The following MGAT4D variants were observed in gnomAD, a reference collection of about 807,000 sequenced individuals.
The protein encoded by MGAT4D is MGAT4 family member D.
In MGAT4D, 34 loss-of-function variants were observed where a neutral mutation model predicts 15.9. The observed-to-expected ratio is 2.14, with a 90% CI of 1.62 to 2.84. The LOEUF is 2.84. MGAT4D is among the 30% of genes most tolerant of loss of function. The probability of loss-of-function intolerance (pLI) is 0.00; values close to 1 mark genes in which losing one functional copy is unlikely to be tolerated. For synonymous variants in MGAT4D, 112 were observed against 48.2 expected, an observed-to-expected ratio of 2.33 and a Z score of -5.49; for missense variants, 327 against 140.2, an observed-to-expected ratio of 2.33 and a Z score of -6.73.
chr4:140,493,463 T>C (rs1222625403), intron 1 of MGAT4D, among the ~76,000 whole-genome samples: 2 of 151,772 alleles, frequency 1.3e-5, no homozygotes, highest in Non-Finnish European at 2.9e-5. Flanking sequence ...GCCCGGCTAA[T>C]TTTTTGTATT....
chr4:140,477,881 A>G (rs958491959), intron 3 of MGAT4D, among the ~76,000 whole-genome samples: 1 of 152,248 alleles, frequency 6.6e-6, no homozygotes, highest in African/African-American at 2.4e-5. Flanking sequence ...TCCATAAACC[A>G]GGCACAAAAT....
intron 2 of MGAT4D, among the ~76,000 whole-genome samples, chr4:140,480,726 TAAACAC>T (rs1353039883): frequency 8.0e-6 from 1 of 124,716 alleles, no homozygotes; most frequent in Non-Finnish European, 1.7e-5. Context: ...CCCTCATCTC[TAAACAC>T]ACACACACAC....
intron 9 of MGAT4D, among the ~76,000 whole-genome samples, chr4:140,454,094 G>A (rs547212369): frequency 2.0e-5 from 3 of 151,912 alleles, no homozygotes; most frequent in East Asian, 1.9e-4. Flanking sequence ...TTCAATTCAC[G>A]TGCCTTTGTT....
chr4:140,465,513 G>A (rs950999905), intron 5 of MGAT4D, among the ~76,000 whole-genome samples: 3 of 152,068 alleles, frequency 2.0e-5, no homozygotes, highest in Admixed American at 2.0e-4. Context: ...ATTTTTAAAC[G>A]TTAATGTGAT....
intron 5 of MGAT4D, among the ~76,000 whole-genome samples, chr4:140,471,378 G>A (rs1006082201): frequency 1.3e-5 from 2 of 151,878 alleles, no homozygotes; most frequent in Admixed American, 6.6e-5. Flanking sequence ...CATCTTGCTT[G>A]ATAAAGAGCT....
chr4:140,451,491 T>G lies in MGAT4D; in HGVS notation c.1035A>C (p.Gln345His). 2 of 588,546 alleles carry G rather than the reference T, an allele frequency of 3.4e-6. No homozygotes were observed. Among genetic ancestry groups the G allele is most frequent in the Non-Finnish European group, 6.2e-6 (2 of 321,560 alleles). 36.5% of individuals were successfully genotyped at this position (588,546 alleles called of 1,614,324 possible). A position where few individuals can be genotyped will look rare whatever the true frequency, so the allele number is the denominator to read the frequency against. Reference protein sequence around the residue: ...DLRNCMKRKKQIRIQYKPSLF... With the variant: ...DLRNCMKRKKHIRIQYKPSLF... ...GAGAAGGTTTATACTGAATACGTATTTGCTTCTTTCGTTTCATACAGTTTC... is the reference window on the plus strand; with the variant it reads ...GAGAAGGTTTATACTGAATACGTATGTGCTTCTTTCGTTTCATACAGTTTC... The change falls in exon 10 of 11, where the codon CAA (glutamine) becomes CAC (histidine). Residue 345 changes from glutamine to histidine, a missense_variant. By Grantham distance (24) the Gln-to-His change is conservative. Transcript: ENST00000511113.
intron 9 of MGAT4D, among the ~76,000 whole-genome samples, chr4:140,452,442 A>C (rs2126683698): frequency 6.6e-6 from 1 of 152,330 alleles, no homozygotes; most frequent in African/African-American, 2.4e-5. Flanking sequence ...AATTAGCATC[A>C]GATAAAATTG....
chr4:140,486,117 C>A (rs1733110491), intron 1 of MGAT4D, among the ~76,000 whole-genome samples: 1 of 152,086 alleles, frequency 6.6e-6, no homozygotes, highest in African/African-American at 2.4e-5. Flanking sequence ...CCAGCATCAC[C>A]CACACTGGCC....
chr4:140,483,228 A>G (rs1732862843), intron 1 of MGAT4D, among the ~76,000 whole-genome samples: 1 of 152,188 alleles, frequency 6.6e-6, no homozygotes, highest in South Asian at 2.1e-4. Context: ...GTTTCTATCC[A>G]CTAACAGCAA....
Position 140,451,446 on chromosome 4 carries a change from T to C in MGAT4D, c.1080A>G (p.Ile360Met), listed in dbSNP as rs753014780. Reference sequence around the variant, plus strand: ...GTTCTTTTCTAGGGAATGATGAATGTATACCCACATGCTGGAAAAGAGAAG... The same window carrying C: ...GTTCTTTTCTAGGGAATGATGAATGCATACCCACATGCTGGAAAAGAGAAG... ...YKPSLFQHVGIHSSFPRKEQY... is the reference protein window; with the variant it reads ...YKPSLFQHVGMHSSFPRKEQY... The change falls in exon 10 of 11, where the codon ATA becomes ATG. Residue 360 changes from isoleucine to methionine, a missense_variant. Physicochemically the swap from Ile to Met is conservative, Grantham distance 10. Coordinates refer to ENST00000511113, the MANE Select transcript of MGAT4D (RefSeq NM_001277353.2). 4.4e-5 allele frequency: 28 copies of C among 633,190 alleles called. 1 individual carries two copies. In the South Asian group the frequency reaches 5.2e-4, roughly 12 times the overall value. The allele number at this position is 633,190 out of a possible 1,614,324, so 39.2% of individuals were successfully genotyped here. A position where few individuals can be genotyped will look rare whatever the true frequency, so the allele number is the denominator to read the frequency against.
intron 7 of MGAT4D, among the ~76,000 whole-genome samples, chr4:140,459,879 C>A (rs1326759481): frequency 6.9e-6 from 1 of 145,770 alleles, no homozygotes; most frequent in Non-Finnish European, 1.5e-5. Context: ...ACTGCAGGCA[C>A]GTGCCACCAT....
intron 4 of MGAT4D, among the ~76,000 whole-genome samples, chr4:140,474,449 G>A (rs959940807): frequency 3.3e-5 from 5 of 152,090 alleles, no homozygotes; most frequent in Non-Finnish European, 7.4e-5. Flanking sequence ...TTATTGGACT[G>A]GGCACATTTT....
At chr4:140,445,931 G>T (rs1016982330) in intron 10 of MGAT4D, among the ~76,000 whole-genome samples, 5 of 152,012 alleles carry the variant, frequency 3.3e-5, no homozygotes, top group African/African-American at 1.2e-4. Context: ...CTATCATGTG[G>T]TTTTTGTCTT....
chr4:140,444,246 G>A (rs988615894), intron 10 of MGAT4D, among the ~76,000 whole-genome samples: 7 of 151,992 alleles, frequency 4.6e-5, no homozygotes, highest in South Asian at 2.1e-4. Flanking sequence ...AGGCTCAGGG[G>A]TACATGTGTA....
chr4:140,473,498 A>G (rs1351313104), intron 4 of MGAT4D, among the ~76,000 whole-genome samples: 4 of 152,160 alleles, frequency 2.6e-5, no homozygotes, highest in Non-Finnish European at 5.9e-5. Flanking sequence ...TCATCCCCCA[A>G]CAACCTTATG....
At chr4:140,465,760 T>G (rs1044462167) in intron 5 of MGAT4D, among the ~76,000 whole-genome samples, 1 of 152,182 alleles carries the variant, frequency 6.6e-6, no homozygotes, top group Non-Finnish European at 1.5e-5. Flanking sequence ...AAGCTTACAG[T>G]TTTATATGCA....
chr4:140,466,891 G>A (rs1731571756), intron 5 of MGAT4D, among the ~76,000 whole-genome samples: 2 of 152,154 alleles, frequency 1.3e-5, no homozygotes, highest in Admixed American at 6.6e-5. Context: ...TATTGTGCTA[G>A]AGCGAATATG....
chr4:140,489,723 A>G (rs529415793), intron 1 of MGAT4D, among the ~76,000 whole-genome samples: 2 of 152,298 alleles, frequency 1.3e-5, no homozygotes, highest in African/African-American at 4.8e-5. Flanking sequence ...AAATGTTCCA[A>G]TGTACTGAAT....
chr4:140,463,721 C>G (rs1731345716), intron 6 of MGAT4D, among the ~76,000 whole-genome samples: 1 of 152,084 alleles, frequency 6.6e-6, no homozygotes, highest in Non-Finnish European at 1.5e-5. Context: ...AGTAAGTTTT[C>G]AAAGTTGTGG....
Sources: allele counts gnomAD v4.1 joint callset (sites outside exome capture counted in the v4.1 genomes callset), GRCh38; gene constraint gnomAD v4.1.1; transcripts MANE v1.5; gene names NCBI Gene and HGNC (gene_info 2026-07-23, HGNC 2026-07-21).